The following PPP1R12C variants were observed in gnomAD, a reference collection of about 807,000 sequenced individuals.
The protein encoded by PPP1R12C is leukocyte receptor cluster (LRC) encoded novel gene 3.
In PPP1R12C, 48 loss-of-function variants were observed where a neutral mutation model predicts 95.6. The observed-to-expected ratio is 0.50, with a 90% CI of 0.40 to 0.64. The LOEUF (loss-of-function observed/expected upper bound fraction) is 0.64. PPP1R12C is among the 30% of genes least tolerant of loss of function. The probability of loss-of-function intolerance (pLI) is 0.00; values close to 1 mark genes in which losing one functional copy is unlikely to be tolerated. For synonymous variants in PPP1R12C, 480 were observed against 460.8 expected, an observed-to-expected ratio of 1.04 and a Z score of -0.53; for missense variants, 1,057 against 1,083.3, an observed-to-expected ratio of 0.98 and a Z score of 0.34.
intron 12 of PPP1R12C, 61 bp from the exon 13 acceptor site, chr19:55,094,496 G>T (rs1483137399): frequency 8.1e-6 from 13 of 1,605,016 alleles, no homozygotes; most frequent in Non-Finnish European, 9.4e-6. Context: ...TTCCGTGGCT[G>T]ACACCCTCCG....
chr19:55,117,103 A>G, intron 1 of PPP1R12C, 120 bp downstream of exon 1: 1 of 916,064 alleles, frequency 1.1e-6, no homozygotes, highest in Non-Finnish European at 1.4e-6. Flanking sequence ...ATAGGGTGGC[A>G]AAGCCCAGGG....
Position 55,109,221 on chromosome 19 carries a change from CT to C in PPP1R12C, c.571+3245del, listed in dbSNP as rs1447212274. On this transcript the variant is annotated intron_variant, in intron 3 of 21. Coordinates refer to ENST00000263433, the MANE Select transcript of PPP1R12C (RefSeq NM_017607.4). The surrounding 1 kb of genome is among the most constrained non-coding windows in gnomAD (Gnocchi z 4.4). ...GCTCAAGCAATCTTCTCACCTCAGC[CT>C]ACTGAGTAGCTGGGAGCGTACGTGC... Among the ~76,000 whole-genome samples, 3 of 152,240 alleles carry C rather than the reference CT, an allele frequency of 2.0e-5. No individual in the cohort carries two copies. The highest frequency in any genetic ancestry group is 4.4e-5 in the Non-Finnish European group (3 of 68,050).
chr19:55,095,844 G>C (rs746233179), intron 9 of PPP1R12C, 23 bp downstream of exon 9: 2 of 1,611,228 alleles, frequency 1.2e-6, no homozygotes, highest in African/African-American at 2.7e-5. Flanking sequence ...AGCCTCACAG[G>C]ACCTCTCAGG....
At chr19:55,106,991 AAGAGTGAAGCCAAC>A (rs375890983) in intron 3 of PPP1R12C, among the ~76,000 whole-genome samples, 1,537 of 152,240 alleles carry the variant, frequency 0.01, 12 homozygotes, top group Non-Finnish European at 0.016. Context: ...GAACCTGTCT[AAGAGTGAAGCCAAC>A]AGAGTTCAGC....
intron 2 of PPP1R12C, 31 bp downstream of exon 2, chr19:55,112,634 C>G: frequency 6.2e-7 from 1 of 1,612,706 alleles, no homozygotes. Flanking sequence ...CCCACCCCGA[C>G]CAGGTCCTGC....
At chr19:55,100,118 G>C (rs2084965039) in intron 4 of PPP1R12C, among the ~76,000 whole-genome samples, 1 of 152,172 alleles carries the variant, frequency 6.6e-6, no homozygotes, top group Non-Finnish European at 1.5e-5. Context: ...CTCTCAGCCG[G>C]GCAGTGTTCT....
intron 3 of PPP1R12C, among the ~76,000 whole-genome samples, chr19:55,103,826 C>T (rs2085004306): frequency 6.6e-6 from 1 of 151,890 alleles, no homozygotes; most frequent in African/African-American, 2.4e-5. Flanking sequence ...CCCATTTCAA[C>T]CAGAAATTCA....
In PPP1R12C at chr19:55,093,180, T is replaced by G. The variant is rs1208433703; in HGVS notation, c.1737A>C (p.Pro579=). 1 of 1,613,682 alleles carries G rather than the reference T, an allele frequency of 6.2e-7. No individual in the cohort carries two copies. ...GGCTCTGCGCCGGCTTCTCTGACTC[T>G]GGGGCCTTCCCTGCAGCCTTCTCTG... is the stretch of plus-strand genomic sequence containing the variant. ...KEAEKAAGKA[P]ESEKPAQSLD... The change falls in exon 14 of 22, where the codon CCA becomes CCC. Residue 579 remains proline, a synonymous_variant. Transcript: ENST00000263433.
At chr19:55,112,929 C>T (rs2085114263) in intron 1 of PPP1R12C, 134 bp from the exon 2 acceptor site, 9 of 1,267,322 alleles carry the variant, frequency 7.1e-6, no homozygotes, top group Non-Finnish European at 9.9e-6. Flanking sequence ...ACCCAACAGC[C>T]TCTGGCCACT....
intron 1 of PPP1R12C, among the ~76,000 whole-genome samples, chr19:55,116,830 C>CT (rs1430848771): frequency 6.6e-6 from 1 of 151,996 alleles, no homozygotes; most frequent in East Asian, 1.9e-4. Context: ...CCAGGACCGG[C>CT]TGGAGGGGCT....
chr19:55,096,343 G>A lies in PPP1R12C; in HGVS notation c.952-8C>T, dbSNP rs372918149. 4.3e-6 allele frequency: 7 copies of A among 1,613,170 alleles called. No homozygotes were observed. In the African/African-American group the frequency reaches 8.0e-5, roughly 18 times the overall value. ...TTCTTTTTGGTTCCGAAGCTGCAAG[G>A]AGGGAAGGGGGCTGCAGGGGAGGGG... On this transcript the variant is annotated splice_region_variant and splice_polypyrimidine_tract_variant and intron_variant, in intron 6 of 21. Coordinates refer to ENST00000263433, the MANE Select transcript of PPP1R12C (RefSeq NM_017607.4).
chr19:55,099,443 C>G (rs1568811647), intron 4 of PPP1R12C, among the ~76,000 whole-genome samples: 1 of 152,182 alleles, frequency 6.6e-6, no homozygotes. Flanking sequence ...GGACCCTTGC[C>G]AGCCCCCATG....
Position 55,094,290 on chromosome 19 carries a change from G to GC in PPP1R12C, c.1683+54dup, listed in dbSNP as rs377114960. ...TCCTCCCTCAGACCCAGGAGTCCAGGCCCCAGCCCCTCCTCCCTCAGACCC... is the reference window on the plus strand; with the variant it reads ...TCCTCCCTCAGACCCAGGAGTCCAGGCCCCCAGCCCCTCCTCCCTCAGACCC... On this transcript the variant is annotated intron_variant, in intron 13 of 21. Coordinates refer to ENST00000263433, the MANE Select transcript of PPP1R12C (RefSeq NM_017607.4). 6.9e-6 allele frequency: 6 copies of GC among 869,000 alleles called. 1 individual carries two copies. Among genetic ancestry groups the GC allele is most frequent in the Non-Finnish European group, 7.9e-6 (5 of 636,122 alleles). 53.8% of individuals were successfully genotyped at this position (869,000 alleles called of 1,614,324 possible).
chr19:55,105,023 G>T (rs537456710), intron 3 of PPP1R12C, among the ~76,000 whole-genome samples: 1 of 150,894 alleles, frequency 6.6e-6, no homozygotes, highest in East Asian at 2.0e-4. Flanking sequence ...ACCCGCCTCG[G>T]CCTCCCAAAG....
Position 55,117,309 on chromosome 19 carries a change from C to A in PPP1R12C, c.235G>T (p.Gly79Cys). The change falls in exon 1 of 22, where the codon GGC becomes TGC. Residue 79 changes from glycine (G) to cysteine (C), a missense_variant. This residue lies in a region of PPP1R12C where 282 missense variants were observed against 380.4 expected (regional missense o/e 0.74). Coordinates refer to ENST00000263433, the MANE Select transcript of PPP1R12C (RefSeq NM_017607.4). ...LMLRAADPGP[G>C]AELDPAAPPP... ...GGCGCGGCGGGGTCGAGCTCGGCGC[C>A]GGGGCCAGGGTCGGCGGCGCGCAGC... The A allele has an allele frequency of 8.3e-7, 1 of 1,200,042 alleles. No individual in the cohort carries two copies. Among genetic ancestry groups the A allele is most frequent in the Non-Finnish European group, 1.0e-6 (1 of 968,858 alleles). The allele number at this position is 1,200,042 out of a possible 1,614,324, so 74.3% of individuals were successfully genotyped here.
chr19:55,094,528 G>C, intron 12 of PPP1R12C, 93 bp from the exon 13 acceptor site: 1 of 1,584,382 alleles, frequency 6.3e-7, no homozygotes, highest in Non-Finnish European at 8.6e-7. Context: ...TTCTGTGGGA[G>C]GGGACTCCAA....
intron 4 of PPP1R12C, among the ~76,000 whole-genome samples, chr19:55,102,594 G>A (rs1741884055): frequency 6.6e-6 from 1 of 152,182 alleles, no homozygotes; most frequent in Admixed American, 6.5e-5. Context: ...AGAACTATAA[G>A]AAGAAACAAA....
At position 55,117,600 on chromosome 19, in the gene PPP1R12C, A is replaced by ACCCGCCCG. The variant is rs567100009; in HGVS notation, c.-65_-58dup. On this transcript the variant is annotated 5_prime_UTR_variant, in exon 1 of 22. Transcript: ENST00000263433. ...GCGCCGAGCCCCAACCGCCGCCACCACCCGCCCGCCCGCCCGCCCCGGGGG... is the reference window on the plus strand; with the variant it reads ...GCGCCGAGCCCCAACCGCCGCCACCACCCGCCCGCCCGCCCGCCCGCCCGCCCCGGGGG... The ACCCGCCCG allele has an allele frequency of 2.3e-4, 203 of 879,488 alleles. 1 individual carries two copies. The highest frequency in any genetic ancestry group is 1.3e-3 in the South Asian group (24 of 18,916). 54.5% of individuals were successfully genotyped at this position (879,488 alleles called of 1,614,324 possible).
At chr19:55,091,742 G>T in intron 20 of PPP1R12C, 42 bp from the exon 21 acceptor site, 1 of 1,613,312 alleles carries the variant, frequency 6.2e-7, no homozygotes, top group Middle Eastern at 1.7e-4. Context: ...GTGAGGCTGA[G>T]GAGGGCAGGG....
Sources: gnomAD v4.1 joint callset for allele counts (sites outside exome capture counted in the v4.1 genomes callset) on GRCh38, gnomAD v4.1.1 for gene constraint, gnomAD v4.1.1 regional missense constraint, Gnocchi (gnomAD v3.1) non-coding constraint, MANE v1.5 for transcripts, NCBI Gene and HGNC (gene_info 2026-07-23, HGNC 2026-07-21) for gene names.